Variants in LAMA5 observed in about 807,000 individuals in gnomAD.
LAMA5 encodes laminin subunit alpha 5, also known as laminin subunit alpha-5.
Under a neutral mutation model 433.4 loss-of-function variants are expected in LAMA5, and 260 were observed. The ratio of observed to expected loss-of-function variants is 0.60; its 90% CI spans 0.54 to 0.66. The LOEUF is 0.66. LAMA5 is among the 30% of genes least tolerant of loss of function. The pLI is 0.00. For missense variants in LAMA5, 5,378 were observed against 5,258.5 expected (o/e 1.02, Z -0.70); for synonymous variants, 2,620 against 2,226.6 (o/e 1.18, Z -4.97).
intron 18 of LAMA5, among the ~76,000 whole-genome samples, 196 bp downstream of exon 18, chr20:62,336,144 C>T (rs1339541230): frequency 3.3e-5 from 5 of 150,340 alleles, no homozygotes; most frequent in Non-Finnish European, 5.9e-5. Flanking sequence ...AGGAACCCCG[C>T]ACCCCAACAT....
At chr20:62,354,891 C>A (rs1199088371) in intron 2 of LAMA5, among the ~76,000 whole-genome samples, 1 of 152,214 alleles carries the variant, frequency 6.6e-6, no homozygotes, top group African/African-American at 2.4e-5. Context: ...CAGGCAGAGG[C>A]TCCACAGGGA....
chr20:62,346,478 G>C (rs1170793584), intron 9 of LAMA5, 28 bp downstream of exon 9: 1 of 1,545,050 alleles, frequency 6.5e-7, no homozygotes, highest in Non-Finnish European at 8.8e-7. Context: ...CTGAGACCCA[G>C]GACACCCGCC....
intron 57 of LAMA5, chr20:62,316,321 C>T: frequency 3.5e-6 from 2 of 564,514 alleles, no homozygotes; most frequent in Non-Finnish European, 6.3e-6. Flanking sequence ...GAAGAGACAG[C>T]CCTCTGGTCC....
At position 62,309,439 on chromosome 20, in the gene LAMA5, C is replaced by T; in HGVS notation, c.10985G>A (p.Cys3662Tyr). Reference sequence around the variant, plus strand: ...CACCGCCAGCCTCCTCATGCAGCCGCAGTAGGCGGGGGGCCAGGGCTGCAC... The same window carrying T: ...CACCGCCAGCCTCCTCATGCAGCCGTAGTAGGCGGGGGGCCAGGGCTGCAC... ...MAVQPWPPAY[C>Y]GCMRRLAVNR... The change falls in exon 80 of 80, where the codon TGC (cysteine) becomes TAC (tyrosine). Residue 3662 changes from cysteine to tyrosine, a missense_variant. Coordinates refer to ENST00000252999, the MANE Select transcript of LAMA5 (RefSeq NM_005560.6). 2.5e-6 allele frequency: 4 copies of T among 1,584,526 alleles called. No homozygotes were observed. The highest frequency in any genetic ancestry group is 2.6e-6 in the Non-Finnish European group (3 of 1,174,512).
At chr20:62,331,332 G>A (rs68011873) in intron 28 of LAMA5, among the ~76,000 whole-genome samples, 61,501 of 86,806 alleles carry the variant, frequency 0.71, 25,486 homozygotes, top group East Asian at 0.94. Context: ...CGGTACGATG[G>A]GGGGGCCGGT....
chr20:62,345,287 G>A (rs1277179867), intron 11 of LAMA5: 1 of 153,438 alleles, frequency 6.5e-6, no homozygotes, highest in African/African-American at 2.4e-5. Context: ...ACAGGCGTGA[G>A]CCACTGTGCC....
At chr20:62,334,997 T>C (rs1369480876) in intron 20 of LAMA5, 24 bp downstream of exon 20, 13 of 1,603,284 alleles carry the variant, frequency 8.1e-6, no homozygotes, top group East Asian at 2.2e-5. Flanking sequence ...GGCTGTGGTC[T>C]GGGACGAGCG....
chr20:62,314,488 G>GACCAGGC, intron 61 of LAMA5, 48 bp from the exon 62 acceptor site: 1 of 1,610,812 alleles, frequency 6.2e-7, no homozygotes, highest in South Asian at 1.1e-5. Context: ...GGGGACCAGG[G>GACCAGGC]ACCAGGCACC....
chr20:62,335,815 C>A (rs1284679654), intron 18 of LAMA5, among the ~76,000 whole-genome samples: 5 of 52,738 alleles, frequency 9.5e-5, no homozygotes, highest in Non-Finnish European at 3.8e-4. Flanking sequence ...TGCACCCCAA[C>A]ATTCCCTCCA....
At position 62,346,982 on chromosome 20, in the gene LAMA5, G is replaced by A. The variant is rs750776342; in HGVS notation, c.1003C>T (p.Arg335Cys). The change falls in exon 7 of 80, where the codon CGC becomes TGC. Residue 335 changes from arginine (R) to cysteine (C), a missense_variant. Physicochemically the swap from Arg to Cys is radical, Grantham distance 180. Coordinates refer to ENST00000252999, the MANE Select transcript of LAMA5 (RefSeq NM_005560.6). ...TGCTGATTGAAGCCGGGGCAGCAGC[G>A]GTCGCAGGTGCCCCCGCAGGTGTTG... ...QHNTCGGTCDRCCPGFNQQPW... is the reference protein window; with the variant it reads ...QHNTCGGTCDCCCPGFNQQPW... 1.7e-5 allele frequency: 27 copies of A among 1,612,394 alleles called. No homozygotes were observed. Among genetic ancestry groups the A allele is most frequent in the South Asian group, 4.4e-5 (4 of 91,070 alleles).
At chr20:62,354,230 C>G (rs927676059) in intron 2 of LAMA5, among the ~76,000 whole-genome samples, 5 of 152,088 alleles carry the variant, frequency 3.3e-5, no homozygotes, top group African/African-American at 1.2e-4. Context: ...AGCCCCTCCC[C>G]CTAACCCTCA....
In LAMA5 at chr20:62,326,873, C is replaced by G; in HGVS notation, c.5206G>C (p.Val1736Leu). Residue 1736 changes from valine (V) to leucine (L), a missense_variant, in exon 39 of 80, where the codon GTG becomes CTG. Physicochemically the swap from Val to Leu is conservative, Grantham distance 32. Transcript: ENST00000252999. ...FVPMESRPDV[V>L]LQGNQMSITF... is the part of the protein sequence containing the mutation. ...CATCTCAGCTCCCTCACCTGCAGCA[C>G]CACATCCGGCCTGCTCTCCATGGGG... 6.2e-7 allele frequency: 1 copy of G among 1,610,966 alleles called. No homozygotes were observed. The highest frequency in any genetic ancestry group is 8.5e-7 in the Non-Finnish European group (1 of 1,178,256).
At chr20:62,319,941 T>C (rs1238001951) in intron 50 of LAMA5, 146 bp from the exon 51 acceptor site, 7 of 553,742 alleles carry the variant, frequency 1.3e-5, no homozygotes, top group South Asian at 2.4e-5. Flanking sequence ...TGACTTGTTA[T>C]TTATCACTTG....
chr20:62,367,141 C>T lies in LAMA5; in HGVS notation c.105G>A (p.Ala35=), dbSNP rs1389978006. Residue 35 remains alanine, a synonymous_variant, in exon 1 of 80, where the codon GCG becomes GCA. Transcript: ENST00000252999. The stretch of plus-strand genomic sequence containing the variant: ...TGAAGCCGCCGCCCGCCTCCTCCCG[C>T]GCCCGCGCCGCGCCCAGCAGCGCCA... The part of the protein sequence containing the change: ...VGLALLGAAR[A]REEAGGGFSL... 2.0e-5 allele frequency: 25 copies of T among 1,268,436 alleles called. No individual in the cohort carries two copies. Among genetic ancestry groups the T allele is most frequent in the Non-Finnish European group, 2.4e-5 (24 of 1,010,232 alleles). The allele number at this position is 1,268,436 out of a possible 1,614,324, so 78.6% of individuals were successfully genotyped here. A position where few individuals can be genotyped will look rare whatever the true frequency, so the allele number is the denominator to read the frequency against.
chr20:62,310,692 C>G lies in LAMA5; in HGVS notation c.10419G>C (p.Pro3473=). The G allele has an allele frequency of 6.2e-7, 1 of 1,602,246 alleles. No homozygotes were observed. Among genetic ancestry groups the G allele is most frequent in the Non-Finnish European group, 8.5e-7 (1 of 1,177,934 alleles). The change falls in exon 75 of 80, where the codon CCG becomes CCC. Residue 3473 remains proline, a synonymous_variant. Coordinates refer to ENST00000252999, the MANE Select transcript of LAMA5 (RefSeq NM_005560.6). ...GAAGTTTGGAGCTGTGGCTGCTGGC[C>G]GGGAGGCCGCCCACAAAGAGGGTGT... ...QPHTLFVGGL[P]ASSHSSKLPV... is the part of the protein sequence containing the mutation.
Position 62,327,633 on chromosome 20 carries a change from G to C in LAMA5, c.4834C>G (p.Leu1612Val), listed in dbSNP as rs1328092497. 2 of 1,613,066 alleles carry C rather than the reference G, an allele frequency of 1.2e-6. No individual in the cohort carries two copies. The highest frequency in any genetic ancestry group is 2.7e-5 in the African/African-American group (2 of 74,932). The change falls in exon 37 of 80, where the codon CTT becomes GTT. Residue 1612 changes from leucine to valine, a missense_variant. By Grantham distance (32) the Leu-to-Val change is conservative (BLOSUM62 1). Transcript: ENST00000252999. ...GCAGCATCCAGTGAGAAGGTCCCAA[G>C]GCTGCACTGGTCACATTTGGGGCCC... ...VQGPKCDQCSLGTFSLDAANP... is the reference protein window; with the variant it reads ...VQGPKCDQCSVGTFSLDAANP...
Position 62,366,719 on chromosome 20 carries a change from GC to G in LAMA5, c.297+229del, listed in dbSNP as rs1315565482. ...AGTCGAACTGGACCGGCGCCCAGCC[GC>G]CCCCGGGTCCATGCCGGGGACTTTA... On this transcript the variant is annotated intron_variant, in intron 1 of 79. Coordinates refer to ENST00000252999, the MANE Select transcript of LAMA5 (RefSeq NM_005560.6). Among the ~76,000 whole-genome samples the G allele has an allele frequency of 4.6e-5, 7 of 152,188 alleles. No homozygotes were observed. The East Asian group carries it at 1.3e-3, about 29-fold the overall frequency.
Position 62,317,475 on chromosome 20 carries a change from G to C in LAMA5, c.7381C>G (p.Leu2461Val), listed in dbSNP as rs1229925429. ...KEELERLAAS[L>V]DGARTPLLQR... ...AGCAGTGGGGTCCGAGCCCCATCCA[G>C]GCTGGCGGCGAGGCGCTCCAGCTCC... The change falls in exon 55 of 80, where the codon CTG (leucine) becomes GTG (valine). Residue 2461 changes from leucine to valine, a missense_variant. Physicochemically the swap from Leu to Val is conservative, Grantham distance 32 (BLOSUM62 1). Transcript: ENST00000252999. 5.8e-6 allele frequency: 9 copies of C among 1,556,640 alleles called. No individual in the cohort carries two copies. Among genetic ancestry groups the C allele is most frequent in the Non-Finnish European group, 7.8e-6 (9 of 1,148,470 alleles).
intron 8 of LAMA5, 33 bp downstream of exon 8, chr20:62,346,649 C>A (rs1219956143): frequency 2.5e-6 from 4 of 1,609,732 alleles, no homozygotes; most frequent in Middle Eastern, 1.6e-4. Context: ...CACCTCAGGG[C>A]CAGCCCATTC....
Sources: allele counts gnomAD v4.1 joint callset (sites outside exome capture counted in the v4.1 genomes callset), GRCh38; gene constraint gnomAD v4.1.1; transcripts MANE v1.5; gene names NCBI Gene and HGNC (gene_info 2026-07-23, HGNC 2026-07-21).